INSL6: variants seen among roughly 807,000 people sequenced by gnomAD.
INSL6 encodes the protein insulin-like peptide INSL6.
In INSL6, 16 loss-of-function variants were observed where a neutral mutation model predicts 9.4. That is an observed-to-expected ratio of 1.70 (90% CI 1.15 to 2.59). The LOEUF (loss-of-function observed/expected upper bound fraction) is 2.59, where lower values mean the gene tolerates loss of function less well. INSL6 is among the 30% of genes most tolerant of loss of function. INSL6 has a pLI of 0.00. For synonymous variants in INSL6, 154 were observed against 96.9 expected (o/e 1.59, Z -3.46); for missense variants, 391 against 257.3 (o/e 1.52, Z -3.56).
At chr9:5,148,530 C>T (rs1406278140) in intron 2 of INSL6, among the ~76,000 whole-genome samples, 1 of 152,134 alleles carries the variant, frequency 6.6e-6, no homozygotes, top group Non-Finnish European at 1.5e-5. Context: ...CACAGGGCTC[C>T]CTTGGGGAGA....
chr9:5,074,205 G>C, the INSL6 span, among the ~76,000 whole-genome samples: 1 of 152,020 alleles, frequency 6.6e-6, no homozygotes, highest in Non-Finnish European at 1.5e-5. Context: ...TATGATACTA[G>C]ATATATTTTT....
At chr9:5,049,085 G>C in the INSL6 span, among the ~76,000 whole-genome samples, 2 of 152,086 alleles carry the variant, frequency 1.3e-5, no homozygotes, top group African/African-American at 2.4e-5. Flanking sequence ...AGTTAATAAA[G>C]TTATCAGCCT....
the INSL6 span, among the ~76,000 whole-genome samples, chr9:5,115,865 T>A: frequency 3.9e-5 from 6 of 152,034 alleles, no homozygotes; most frequent in Non-Finnish European, 8.8e-5. Flanking sequence ...AATGACAACA[T>A]ATGGACACAG....
At chr9:5,080,343 G>C in the INSL6 span, 1 of 1,613,810 alleles carries the variant, frequency 6.2e-7, no homozygotes, top group Non-Finnish European at 8.5e-7. Flanking sequence ...ATCTGCAGTG[G>C]AGGAGATAAA....
chr9:5,037,534 A>G, the INSL6 span, among the ~76,000 whole-genome samples: 1 of 152,234 alleles, frequency 6.6e-6, no homozygotes, highest in Non-Finnish European at 1.5e-5. Flanking sequence ...GCCATGAAAA[A>G]TGATGAGTTC....
intron 1 of INSL6, among the ~76,000 whole-genome samples, chr9:5,174,016 T>C (rs1825243959): frequency 1.3e-5 from 2 of 152,224 alleles, no homozygotes; most frequent in South Asian, 4.1e-4. Context: ...TTTCTACCTA[T>C]TTCTACAGAT....
chr9:5,111,209 G>T, the INSL6 span: 1 of 614,214 alleles, frequency 1.6e-6, no homozygotes, highest in Non-Finnish European at 3.0e-6. Flanking sequence ...GGACTCGGAG[G>T]CAAGAGCAGC....
intron 2 of INSL6, among the ~76,000 whole-genome samples, chr9:5,151,382 T>C (rs1824710289): frequency 1.3e-5 from 2 of 152,128 alleles, no homozygotes; most frequent in Non-Finnish European, 2.9e-5. Context: ...TACATGGCAA[T>C]AATCTCATTA....
chr9:5,111,119 AC>A, the INSL6 span: 2 of 1,203,148 alleles, frequency 1.7e-6, no homozygotes, highest in Non-Finnish European at 2.3e-6. Flanking sequence ...TCCTCCTTTG[AC>A]CCCAGCTGGA....
intron 2 of INSL6, among the ~76,000 whole-genome samples, chr9:5,136,280 A>G (rs1458061619): frequency 2.6e-5 from 4 of 152,244 alleles, no homozygotes; most frequent in Non-Finnish European, 4.4e-5. Context: ...TGAGGCCAGC[A>G]TCATCCTGAT....
chr9:5,181,293 T>C (rs567715844), intron 1 of INSL6, among the ~76,000 whole-genome samples: 1 of 152,216 alleles, frequency 6.6e-6, no homozygotes, highest in South Asian at 2.1e-4. Flanking sequence ...TGACATCCTA[T>C]AGAGTCACAG....
At chr9:5,113,738 G>T in the INSL6 span, 1 of 167,722 alleles carries the variant, frequency 6.0e-6, no homozygotes, top group South Asian at 1.6e-4. Flanking sequence ...CACGCCCTCT[G>T]GCCATTACGC....
At chr9:5,062,848 G>C in the INSL6 span, among the ~76,000 whole-genome samples, 3 of 152,004 alleles carry the variant, frequency 2.0e-5, no homozygotes, top group African/African-American at 7.2e-5. Context: ...GTGTTTATAG[G>C]TCAGCTTTAA....
At chr9:5,093,882 T>C in the INSL6 span, among the ~76,000 whole-genome samples, 1 of 152,102 alleles carries the variant, frequency 6.6e-6, no homozygotes, top group Non-Finnish European at 1.5e-5. Context: ...ACCAGAGTAA[T>C]CCAGGTTGGT....
the INSL6 span, chr9:5,081,672 T>C: frequency 3.7e-6 from 5 of 1,335,322 alleles, no homozygotes; most frequent in Non-Finnish European, 5.4e-6. Context: ...ATCAGTTTAG[T>C]CCAGAGAATG....
chr9:5,042,781 C>T, the INSL6 span, among the ~76,000 whole-genome samples: 4 of 152,206 alleles, frequency 2.6e-5, no homozygotes, highest in African/African-American at 4.8e-5. Context: ...CCAGGCCTCC[C>T]CAAAACTAAA....
the INSL6 span, chr9:5,050,891 A>G: frequency 2.8e-6 from 4 of 1,424,178 alleles, no homozygotes; most frequent in African/African-American, 4.3e-5. Flanking sequence ...TATAATTCGT[A>G]TATATTTTCT....
At chr9:5,156,078 G>A (rs565153485) in intron 2 of INSL6, among the ~76,000 whole-genome samples, 2 of 151,988 alleles carry the variant, frequency 1.3e-5, no homozygotes, top group African/African-American at 2.4e-5. Context: ...GGAATATGAT[G>A]AAAAACTTTA....
the INSL6 span, among the ~76,000 whole-genome samples, chr9:5,079,984 C>T: frequency 2.0e-5 from 3 of 152,098 alleles, no homozygotes; most frequent in Non-Finnish European, 4.4e-5. Context: ...TGGCTTTGGG[C>T]AGATTACTCA....
Sources: gnomAD v4.1 joint callset for allele counts (sites outside exome capture counted in the v4.1 genomes callset) on GRCh38, gnomAD v4.1.1 for gene constraint, MANE v1.5 for transcripts, NCBI Gene and HGNC (gene_info 2026-07-23, HGNC 2026-07-21) for gene names.